Variants in BAZ1B observed in about 807,000 individuals in gnomAD.
The protein encoded by BAZ1B is tyrosine-protein kinase BAZ1B.
BAZ1B carries 22 observed loss-of-function variants against 153.8 expected under a neutral mutation model. The observed-to-expected ratio is 0.14, with a 90% confidence interval of 0.10 to 0.20. The LOEUF is 0.20. BAZ1B is among the 10% of genes least tolerant of loss of function. BAZ1B has a pLI of 1.00. For synonymous variants in BAZ1B, 676 were observed against 633.4 expected (o/e 1.07, Z -1.01); for missense variants, 1,325 against 1,799.3 (o/e 0.74, Z 4.77).
chr7:73,455,847 G>A (rs1277004317), intron 13 of BAZ1B, among the ~76,000 whole-genome samples: 5 of 152,136 alleles, frequency 3.3e-5, no homozygotes, highest in Non-Finnish European at 5.9e-5. Flanking sequence ...CTAACGGGAC[G>A]GAGGGGACAG....
intron 1 of BAZ1B, among the ~76,000 whole-genome samples, chr7:73,515,489 C>A (rs1432606423): frequency 2.0e-5 from 3 of 150,398 alleles, no homozygotes; most frequent in African/African-American, 7.3e-5. Context: ...AACTAGCAAG[C>A]AAGACATGTC....
intron 14 of BAZ1B, 143 bp from the exon 15 acceptor site, chr7:73,449,832 G>C (rs1160080695): frequency 1.2e-6 from 1 of 850,564 alleles, no homozygotes; most frequent in African/African-American, 1.8e-5. Flanking sequence ...CTTTGTAAAT[G>C]CAGGCATTTT....
chr7:73,478,463 T>C lies in BAZ1B; in HGVS notation c.998A>G (p.Asn333Ser). ...TDNSSLSSPL[N>S]PKLWCHVHLK... ...GTGTACGTGACACCATAACTTAGGA[T>C]TTAGTGGTGAACTAAGAGAAGAGTT... is the stretch of plus-strand genomic sequence containing the variant. The change falls in exon 7 of 20, where the codon AAT (asparagine) becomes AGT (serine). Residue 333 changes from asparagine (N) to serine (S), a missense_variant. Physicochemically the swap from Asn to Ser is conservative, Grantham distance 46. Transcript: ENST00000339594. The C allele has an allele frequency of 6.2e-7, 1 of 1,611,932 alleles. No homozygotes were observed. The highest frequency in any genetic ancestry group is 1.1e-5 in the South Asian group (1 of 90,564).
chr7:73,448,435 T>C (rs1787917105), intron 15 of BAZ1B, among the ~76,000 whole-genome samples: 1 of 152,192 alleles, frequency 6.6e-6, no homozygotes, highest in Non-Finnish European at 1.5e-5. Context: ...TATTTGGCCT[T>C]ATTGAGATTC....
At chr7:73,514,127 G>A (rs1554578935) in intron 1 of BAZ1B, among the ~76,000 whole-genome samples, 1 of 152,062 alleles carries the variant, frequency 6.6e-6, no homozygotes, top group Non-Finnish European at 1.5e-5. Context: ...CGATCATGTT[G>A]GGGCTCAAAA....
intron 16 of BAZ1B, among the ~76,000 whole-genome samples, chr7:73,445,327 G>A (rs782743913): frequency 6.6e-6 from 1 of 152,174 alleles, no homozygotes; most frequent in Non-Finnish European, 1.5e-5. Context: ...AGGCTAGTAA[G>A]AAAGGGTAAG....
intron 4 of BAZ1B, among the ~76,000 whole-genome samples, chr7:73,493,843 A>G (rs1173368815): frequency 6.6e-6 from 1 of 151,134 alleles, no homozygotes; most frequent in Non-Finnish European, 1.5e-5. Flanking sequence ...TGTCTCCAAA[A>G]AAAAAAAAAA....
intron 5 of BAZ1B, among the ~76,000 whole-genome samples, chr7:73,491,809 C>T (rs1292199086): frequency 6.6e-6 from 1 of 152,140 alleles, no homozygotes; most frequent in Non-Finnish European, 1.5e-5. Context: ...TATTAAACTT[C>T]TCAGGTCTTA....
At position 73,478,443 on chromosome 7, in the gene BAZ1B, C is replaced by T. The variant is rs781839851; in HGVS notation, c.1018G>A (p.Val340Ile). 3.7e-6 allele frequency: 6 copies of T among 1,612,906 alleles called. No individual in the cohort carries two copies. Among genetic ancestry groups the T allele is most frequent in the Admixed American group, 1.7e-5 (1 of 59,750 alleles). Residue 340 changes from valine to isoleucine, a missense_variant, in exon 7 of 20, where the codon GTA (valine) becomes ATA (isoleucine). Val to Ile is a conservative substitution (Grantham distance 29, BLOSUM62 3). This residue lies in a region of BAZ1B where 219 missense variants were observed against 248.2 expected (regional missense o/e 0.88). Transcript: ENST00000339594. ...SPLNPKLWCHVHLKKSLSGSP... is the reference protein window; with the variant it reads ...SPLNPKLWCHIHLKKSLSGSP... The stretch of plus-strand genomic sequence containing the variant: ...CCACTCAATGACTTCTTCAAGTGTA[C>T]GTGACACCATAACTTAGGATTTAGT...
chr7:73,497,065 C>CAAAAAAAAAAAAAAAAAAAAAAAAAAAA (rs1156829240), intron 4 of BAZ1B, among the ~76,000 whole-genome samples: 4 of 49,528 alleles, frequency 8.1e-5, no homozygotes, highest in African/African-American at 2.7e-4. Context: ...CTGACCTCTA[C>CAAAAAAAAAAAAAAAAAAAAAAAAAAAA]AAAAAAAAAA....
intron 6 of BAZ1B, among the ~76,000 whole-genome samples, chr7:73,483,138 T>C (rs1789264870): frequency 1.3e-5 from 2 of 152,192 alleles, no homozygotes; most frequent in African/African-American, 4.8e-5. Flanking sequence ...TATTTATGAC[T>C]GTCTCGGCAA....
intron 4 of BAZ1B, among the ~76,000 whole-genome samples, chr7:73,498,002 C>T (rs1211836964): frequency 6.6e-6 from 1 of 151,358 alleles, no homozygotes; most frequent in Non-Finnish European, 1.5e-5. Context: ...TCTTGTGGCA[C>T]AGACTAGAGT....
intron 5 of BAZ1B, among the ~76,000 whole-genome samples, chr7:73,491,149 G>A (rs547721032): frequency 1.2e-4 from 18 of 151,994 alleles, no homozygotes; most frequent in African/African-American, 3.6e-4. Flanking sequence ...AGCCGGGCAC[G>A]GTGGCGGGCA....
chr7:73,511,786 C>T (rs145739542), intron 1 of BAZ1B, among the ~76,000 whole-genome samples: 11 of 150,566 alleles, frequency 7.3e-5, no homozygotes, highest in African/African-American at 2.4e-4. Flanking sequence ...TTTGGGAGTC[C>T]GAGGCAGGCA....
Position 73,442,705 on chromosome 7 carries a change from C to T in BAZ1B, c.4094+20G>A, listed in dbSNP as rs781954871. On this transcript the variant is annotated intron_variant, in intron 18 of 19. Coordinates refer to ENST00000339594, the MANE Select transcript of BAZ1B (RefSeq NM_032408.4). The stretch of plus-strand genomic sequence containing the variant: ...AGCCAGGCCACTCCTCTCCCCTGCA[C>T]CTGAGAACACAGCACTCACCTGAAG... 5.6e-6 allele frequency: 9 copies of T among 1,610,862 alleles called. No homozygotes were observed. Among genetic ancestry groups the T allele is most frequent in the South Asian group, 2.2e-5 (2 of 90,954 alleles).
chr7:73,520,210 C>CAAA (rs1158487602), intron 1 of BAZ1B, among the ~76,000 whole-genome samples: 11 of 57,396 alleles, frequency 1.9e-4, no homozygotes, highest in Middle Eastern at 8.5e-3. Flanking sequence ...AACTCCGTCT[C>CAAA]AAAAAAAAAA....
chr7:73,478,410 G>T lies in BAZ1B; in HGVS notation c.1051C>A (p.Leu351Ile). The T allele has an allele frequency of 6.2e-7, 1 of 1,612,382 alleles. No individual in the cohort carries two copies. Among genetic ancestry groups the T allele is most frequent in the South Asian group, 1.1e-5 (1 of 90,744 alleles). Residue 351 changes from leucine (L) to isoleucine (I), a missense_variant, in exon 7 of 20, where the codon CTC becomes ATC. Around this residue, in one of 9 missense-constraint regions of BAZ1B, gnomAD observed 219 missense variants for 248.2 expected, o/e 0.88. Transcript: ENST00000339594. Reference sequence around the variant, plus strand: ...GAATTCTTTGAGTTCTTCACTTTGAGTGGCGAGCCACTCAATGACTTCTTC... The same window carrying T: ...GAATTCTTTGAGTTCTTCACTTTGATTGGCGAGCCACTCAATGACTTCTTC... ...HLKKSLSGSP[L>I]KVKNSKNSKS...
At chr7:73,512,932 C>T (rs1235973795) in intron 1 of BAZ1B, among the ~76,000 whole-genome samples, 1 of 152,174 alleles carries the variant, frequency 6.6e-6, no homozygotes, top group African/African-American at 2.4e-5. Context: ...ACTTACACTG[C>T]AGCATCTAGC....
chr7:73,459,773 G>A (rs1788330144), intron 12 of BAZ1B, 55 bp from the exon 13 acceptor site: 1 of 1,462,416 alleles, frequency 6.8e-7, no homozygotes, highest in African/African-American at 1.4e-5. Flanking sequence ...GAAGACGAAA[G>A]GAATCCAACC....
Sources: allele counts gnomAD v4.1 joint callset (sites outside exome capture counted in the v4.1 genomes callset), GRCh38; gene constraint gnomAD v4.1.1; regional missense constraint gnomAD v4.1.1; transcripts MANE v1.5; gene names NCBI Gene and HGNC (gene_info 2026-07-23, HGNC 2026-07-21).